The following ACMSD variants were observed in gnomAD, a reference collection of about 807,000 sequenced individuals.
ACMSD encodes the protein 2-amino-3-carboxymuconate-6-semialdehyde decarboxylase.
In ACMSD, 37 loss-of-function variants were observed where a neutral mutation model predicts 45.9. The observed-to-expected ratio is 0.81, with a 90% CI of 0.62 to 1.06. The LOEUF is 1.06. ACMSD is among the 50% of genes least tolerant of loss of function. The pLI is 0.00. For missense variants in ACMSD, 434 were observed against 420.9 expected, an observed-to-expected ratio of 1.03 and a Z score of -0.27; for synonymous variants, 138 against 148.8, an observed-to-expected ratio of 0.93 and a Z score of 0.53.
intron 2 of ACMSD, among the ~76,000 whole-genome samples, chr2:134,851,597 C>T (rs6730306): frequency 0.51 from 77,297 of 151,974 alleles, 20,573 homozygotes; most frequent in Middle Eastern, 0.82. Context: ...CAACTGGCAC[C>T]ATATCCGGCT....
chr2:134,852,000 A>G (rs1249524017), intron 2 of ACMSD, among the ~76,000 whole-genome samples: 3 of 152,194 alleles, frequency 2.0e-5, no homozygotes, highest in African/African-American at 7.2e-5. Flanking sequence ...GAAATAACAG[A>G]GTATTATTAG....
At chr2:134,867,439 T>C in intron 5 of ACMSD, 140 bp from the exon 6 acceptor site, 2 of 585,048 alleles carry the variant, frequency 3.4e-6, no homozygotes, top group Non-Finnish European at 6.0e-6. Flanking sequence ...ATATAGATCA[T>C]AAAACAACTT....
intron 2 of ACMSD, among the ~76,000 whole-genome samples, chr2:134,857,051 CTTCT>C (rs1468172671): frequency 1.3e-5 from 2 of 152,118 alleles, no homozygotes; most frequent in African/African-American, 2.4e-5. Context: ...TCGTCTGTGT[CTTCT>C]TTAATTTTTT....
chr2:134,861,751 T>C (rs989095312), intron 3 of ACMSD, among the ~76,000 whole-genome samples: 4 of 152,076 alleles, frequency 2.6e-5, no homozygotes, highest in Non-Finnish European at 5.9e-5. Flanking sequence ...TCAGTTAGTT[T>C]TCCTTGAATG....
At chr2:134,843,117 A>G (rs1330918396) in intron 1 of ACMSD, among the ~76,000 whole-genome samples, 2 of 152,188 alleles carry the variant, frequency 1.3e-5, no homozygotes, top group African/African-American at 4.8e-5. Flanking sequence ...AGTGTAACTG[A>G]TTAAGGTCAT....
intron 2 of ACMSD, among the ~76,000 whole-genome samples, chr2:134,857,603 A>G (rs1036941725): frequency 2.6e-5 from 4 of 152,060 alleles, no homozygotes; most frequent in African/African-American, 9.7e-5. Context: ...TTTTCTATGT[A>G]TAAAACCATG....
rs902901477 is a variant in ACMSD, at chr2:134,872,837, A to G, written c.849+196A>G. The G allele has an allele frequency of 3.2e-5, 19 of 595,900 alleles. No individual in the cohort carries two copies. The South Asian group carries it at 3.6e-4, about 11-fold the overall frequency. 36.9% of individuals were successfully genotyped at this position (595,900 alleles called of 1,614,324 possible). On this transcript the variant is annotated intron_variant, in intron 8 of 9. Coordinates refer to ENST00000356140, the MANE Select transcript of ACMSD (RefSeq NM_138326.3). ...CAGGGTCTCCCTCCACACAGAGTAC[A>G]TAACACTAAGAAACTATTATATATG...
In ACMSD at chr2:134,871,682, G is replaced by GACACAC. The variant is rs1170611331; in HGVS notation, c.676+648_676+653dup. On this transcript the variant is annotated intron_variant, in intron 7 of 9. Transcript: ENST00000356140. ...TGAATTTGTGACCCTTCAACAGACA[G>GACACAC]ACACACACACACACACACACACACA... 5.9e-3 allele frequency among the ~76,000 whole-genome samples: 824 copies of GACACAC among 138,984 alleles called. 11 individuals carry two copies. Among genetic ancestry groups the GACACAC allele is most frequent in the African/African-American group, 0.019 (685 of 36,508 alleles). 91.2% of individuals were successfully genotyped at this position (138,984 alleles called of 152,430 possible).
chr2:134,885,292 T>TATATATAATATATATATAA lies in ACMSD; in HGVS notation c.849+12658_849+12659insATATATATATAAATATATA, dbSNP rs1491203378. Among the ~76,000 whole-genome samples the TATATATAATATATATATAA allele has an allele frequency of 1.3e-3, 133 of 99,600 alleles. 5 individuals are homozygous for TATATATAATATATATATAA. The highest frequency in any genetic ancestry group is 2.0e-3 in the Non-Finnish European group (112 of 55,082). 65.3% of individuals were successfully genotyped at this position (99,600 alleles called of 152,430 possible). ...AAATATATATATTATATATTATATT[T>TATATATAATATATATATAA]ATATATATATTTAAATATATATATA... On this transcript the variant is annotated intron_variant, in intron 8 of 9. Transcript: ENST00000356140.
chr2:134,863,348 G>A (rs1687932739), intron 4 of ACMSD, 47 bp from the exon 5 acceptor site: 2 of 1,556,844 alleles, frequency 1.3e-6, no homozygotes, highest in Non-Finnish European at 1.8e-6. Flanking sequence ...ATGTCTAAAA[G>A]AAGTAGGTTT....
chr2:134,854,604 C>T (rs1369100712), intron 2 of ACMSD, among the ~76,000 whole-genome samples: 1 of 152,194 alleles, frequency 6.6e-6, no homozygotes, highest in African/African-American at 2.4e-5. Context: ...TGCTCACTTC[C>T]AGGTCAAAGT....
intron 8 of ACMSD, among the ~76,000 whole-genome samples, chr2:134,885,368 AT>A (rs1228448816): frequency 2.8e-5 from 3 of 105,402 alleles, no homozygotes; most frequent in African/African-American, 3.8e-5. Context: ...TTACATATAT[AT>A]TATATATAAT....
At chr2:134,853,569 G>T (rs906655362) in intron 2 of ACMSD, among the ~76,000 whole-genome samples, 1 of 152,082 alleles carries the variant, frequency 6.6e-6, no homozygotes. Flanking sequence ...TAAAAACCAG[G>T]ACCCAAGAAA....
At chr2:134,861,027 T>C (rs1687826729) in intron 3 of ACMSD, among the ~76,000 whole-genome samples, 1 of 152,052 alleles carries the variant, frequency 6.6e-6, no homozygotes. Context: ...AGACCCTGTC[T>C]CTAAAAAAAT....
chr2:134,859,501 G>GTCCCTCCC, intron 3 of ACMSD, 144 bp downstream of exon 3: 1 of 679,232 alleles, frequency 1.5e-6, no homozygotes, highest in Non-Finnish European at 2.5e-6. Context: ...CTGTGGGAGG[G>GTCCCTCCC]ACAGGGCCTT....
chr2:134,898,483 G>C (rs745737366), intron 9 of ACMSD, 44 bp downstream of exon 9: 2 of 1,410,434 alleles, frequency 1.4e-6, no homozygotes, highest in Non-Finnish European at 1.9e-6. Context: ...GACTTTTCCT[G>C]CTCTAATTGG....
At chr2:134,883,130 T>C (rs1486291843) in intron 8 of ACMSD, among the ~76,000 whole-genome samples, 2 of 152,214 alleles carry the variant, frequency 1.3e-5, no homozygotes, top group Non-Finnish European at 2.9e-5. Context: ...GAATTATTCC[T>C]TGGGGTTTAA....
chr2:134,870,978 G>T lies in ACMSD; in HGVS notation c.594G>T (p.Glu198Asp), dbSNP rs138684700. Residue 198 changes from glutamate to aspartate, a missense_variant, in exon 7 of 10, where the codon GAG becomes GAT. Transcript: ENST00000356140. The part of the protein sequence containing the change: ...WLPWLVGMPA[E>D]TTIAICSMIM... ...TTCCTCTTTCAGGAATGCCAGCAGA[G>T]ACCACCATAGCCATTTGCTCCATGA... The T allele has an allele frequency of 1.4e-5, 23 of 1,613,874 alleles. No individual in the cohort carries two copies. The African/African-American group carries it at 2.7e-4, about 19-fold the overall frequency.
At chr2:134,877,501 C>T in intron 8 of ACMSD, 1 of 152,290 alleles carries the variant, frequency 6.6e-6, no homozygotes, top group East Asian at 1.9e-4. Context: ...AAAGGATTTA[C>T]ATTCAAGGTG....
Sources: allele counts gnomAD v4.1 joint callset (sites outside exome capture counted in the v4.1 genomes callset), GRCh38; gene constraint gnomAD v4.1.1; transcripts MANE v1.5; gene names NCBI Gene and HGNC (gene_info 2026-07-23, HGNC 2026-07-21).